Variants in GATA6 observed in about 807,000 individuals in gnomAD.
GATA6 encodes transcription factor GATA-6.
In GATA6, 11 loss-of-function variants were observed where a neutral mutation model predicts 48.1. The ratio of observed to expected loss-of-function variants is 0.23; its 90% CI spans 0.14 to 0.38. The LOEUF (loss-of-function observed/expected upper bound fraction) is 0.38. Among genes scored for constraint, GATA6 ranks in the 10% least tolerant of loss-of-function variants. GATA6 has a pLI of 1.00. For missense variants in GATA6, 795 were observed against 850.3 expected (o/e 0.93, Z 0.81); for synonymous variants, 419 against 396.1 (o/e 1.06, Z -0.69).
intron 6 of GATA6, among the ~76,000 whole-genome samples, chr18:22,190,764 T>C (rs1267518667): frequency 6.6e-6 from 1 of 152,174 alleles, no homozygotes; most frequent in Admixed American, 6.5e-5. Context: ...ATCATCACAG[T>C]TATTAATATC....
intron 6 of GATA6, among the ~76,000 whole-genome samples, chr18:22,197,310 C>G (rs1405116086): frequency 6.6e-6 from 1 of 152,134 alleles, no homozygotes; most frequent in South Asian, 2.1e-4. Context: ...CTCGGCCTCT[C>G]TAAAGTGCAG....
At chr18:22,197,965 A>C (rs2033411943) in intron 6 of GATA6, among the ~76,000 whole-genome samples, 1 of 151,630 alleles carries the variant, frequency 6.6e-6, no homozygotes, top group Non-Finnish European at 1.5e-5. Context: ...CTGGCTCCCC[A>C]CAAAGCCTGG....
intron 4 of GATA6, among the ~76,000 whole-genome samples, 179 bp from the exon 5 acceptor site, chr18:22,182,578 G>A (rs983751439): frequency 3.9e-5 from 6 of 152,138 alleles, no homozygotes; most frequent in African/African-American, 1.4e-4. Context: ...GGCTGGTTTC[G>A]AACTCCTGAC....
rs1230661938 is a variant in GATA6, at chr18:22,177,942, CTGTTTTTT to C, written c.1302+831_1302+838del. Among the ~76,000 whole-genome samples, 849 of 105,906 alleles carry C rather than the reference CTGTTTTTT, an allele frequency of 8.0e-3. 123 individuals are homozygous for C. Among genetic ancestry groups the C allele is most frequent in the African/African-American group, 0.04 (796 of 19,690 alleles). 69.5% of individuals were successfully genotyped at this position (105,906 alleles called of 152,430 possible). A position where few individuals can be genotyped will look rare whatever the true frequency, so the allele number is the denominator to read the frequency against. On this transcript the variant is annotated intron_variant, in intron 3 of 6. Coordinates refer to ENST00000269216, the MANE Select transcript of GATA6 (RefSeq NM_005257.6). ...TTTTCCCCAATTCGCACACGTTTTA[CTGTTTTTT>C]TGTTTTTTTTTTTTTTTTTTTTTTT...
intron 6 of GATA6, among the ~76,000 whole-genome samples, chr18:22,190,754 A>G (rs2033315968): frequency 1.3e-5 from 2 of 152,160 alleles, no homozygotes; most frequent in Admixed American, 6.5e-5. Flanking sequence ...GAGTTGACCA[A>G]TCATCACAGT....
Position 22,170,465 on chromosome 18 carries a change from C to G in GATA6, c.-37-643C>G, listed in dbSNP as rs2033018045. Among the ~76,000 whole-genome samples, 1 of 152,234 alleles carries G rather than the reference C, an allele frequency of 6.6e-6. No individual in the cohort carries two copies. Among genetic ancestry groups the G allele is most frequent in the Non-Finnish European group, 1.5e-5 (1 of 68,032 alleles). On this transcript the variant is annotated intron_variant, in intron 1 of 6. Transcript: ENST00000269216. The surrounding 1 kb of genome is among the most constrained non-coding windows in gnomAD (Gnocchi z 6.7). The stretch of plus-strand genomic sequence containing the variant: ...CAGACTGCTGCCCCCGCCCTGGCGT[C>G]CCACTTTCCCTGGGCCGAGTTGCAT...
intron 2 of GATA6, among the ~76,000 whole-genome samples, chr18:22,175,044 C>G (rs758704235): frequency 7.2e-5 from 11 of 151,918 alleles, no homozygotes; most frequent in Non-Finnish European, 1.5e-4. Context: ...CCAAGGGCAC[C>G]GCAAACAGCC....
chr18:22,172,652 C>G lies in GATA6; in HGVS notation c.1135+373C>G, dbSNP rs2033071692. On this transcript the variant is annotated intron_variant, in intron 2 of 6. Coordinates refer to ENST00000269216, the MANE Select transcript of GATA6 (RefSeq NM_005257.6). This position sits in a 1 kb window ranked among gnomAD's most constrained non-coding sequence, Gnocchi z 5.2. ...CGCTTGAGCCCCATCGCAGACCCTA[C>G]TTTGGGTGAGTGGAAGAAATTCCAC... is the stretch of plus-strand genomic sequence containing the variant. Among the ~76,000 whole-genome samples, 1 of 152,182 alleles carries G rather than the reference C, an allele frequency of 6.6e-6. No homozygotes were observed. Among genetic ancestry groups the G allele is most frequent in the Admixed American group, 6.5e-5 (1 of 15,284 alleles).
intron 6 of GATA6, among the ~76,000 whole-genome samples, chr18:22,186,554 C>G (rs1441068080): frequency 6.6e-6 from 1 of 152,128 alleles, no homozygotes; most frequent in African/African-American, 2.4e-5. Flanking sequence ...GTGATGGCAC[C>G]AGGACCTTAG....
At chr18:22,192,744 T>C (rs2033342858) in intron 6 of GATA6, among the ~76,000 whole-genome samples, 1 of 152,224 alleles carries the variant, frequency 6.6e-6, no homozygotes, top group Non-Finnish European at 1.5e-5. Flanking sequence ...TTCTGATTCA[T>C]TTAGAAGATA....
chr18:22,182,102 C>A, intron 4 of GATA6, among the ~76,000 whole-genome samples: 1 of 152,136 alleles, frequency 6.6e-6, no homozygotes, highest in East Asian at 1.9e-4. Flanking sequence ...ACAACTCAAT[C>A]TTAAAAAGAA....
At chr18:22,176,914 G>C (rs1207701167) in intron 2 of GATA6, 41 bp from the exon 3 acceptor site, 1 of 1,520,152 alleles carries the variant, frequency 6.6e-7, no homozygotes, top group Non-Finnish European at 8.8e-7. Context: ...GGACGGGTCC[G>C]GCGCGCCCAC....
rs979067151 is a variant in GATA6, at chr18:22,177,944, G to GTTTTTTTTTTTTTTTTTTTT, written c.1302+830_1302+831insTTTTTTTTTTTTTTTTTTTT. 3.1e-4 allele frequency among the ~76,000 whole-genome samples: 24 copies of GTTTTTTTTTTTTTTTTTTTT among 77,862 alleles called. 7 individuals carry two copies. Among genetic ancestry groups the GTTTTTTTTTTTTTTTTTTTT allele is most frequent in the African/African-American group, 1.4e-3 (23 of 15,882 alleles). The allele number at this position is 77,862 out of a possible 152,430, so 51.1% of individuals were successfully genotyped here. A position where few individuals can be genotyped will look rare whatever the true frequency, so the allele number is the denominator to read the frequency against. The stretch of plus-strand genomic sequence containing the variant: ...TTCCCCAATTCGCACACGTTTTACT[G>GTTTTTTTTTTTTTTTTTTTT]TTTTTTTGTTTTTTTTTTTTTTTTT... On this transcript the variant is annotated intron_variant, in intron 3 of 6. Transcript: ENST00000269216.
rs2033070515 is a variant in GATA6 at position 22,172,517 on chromosome 18, G to A, written c.1135+238G>A. On this transcript the variant is annotated intron_variant, in intron 2 of 6. Transcript: ENST00000269216. This position sits in a 1 kb window ranked among gnomAD's most constrained non-coding sequence, Gnocchi z 5.2. ...TTGTGCCAAGTTCCTTTCCACGGAT[G>A]AGACTAAATGCACATCTGTACCTTC... Among the ~76,000 whole-genome samples, 1 of 152,230 alleles carries A rather than the reference G, an allele frequency of 6.6e-6. No homozygotes were observed. The highest frequency in any genetic ancestry group is 1.5e-5 in the Non-Finnish European group (1 of 68,042).
At position 22,172,256 on chromosome 18, in the gene GATA6, C is replaced by G; in HGVS notation, c.1112C>G (p.Pro371Arg). 1.3e-6 allele frequency: 2 copies of G among 1,533,508 alleles called. No homozygotes were observed. Among genetic ancestry groups the G allele is most frequent in the Non-Finnish European group, 1.7e-6 (2 of 1,146,146 alleles). The allele number at this position is 1,533,508 out of a possible 1,614,324, so 95.0% of individuals were successfully genotyped here. A position where few individuals can be genotyped will look rare whatever the true frequency, so the allele number is the denominator to read the frequency against. ...CAGAGCCGCGCCGGAGCCCCGCTCCCGGTGCCCCGGGGTCCCAGTGCAGGT... is the reference window on the plus strand; with the variant it reads ...CAGAGCCGCGCCGGAGCCCCGCTCCGGGTGCCCCGGGGTCCCAGTGCAGGT... ...SLQSRAGAPL[P>R]VPRGPSADLL... The change falls in exon 2 of 7, where the codon CCG becomes CGG. Residue 371 changes from proline to arginine, a missense_variant. Coordinates refer to ENST00000269216, the MANE Select transcript of GATA6 (RefSeq NM_005257.6). The surrounding 1 kb of genome is among the most constrained non-coding windows in gnomAD (Gnocchi z 5.2).
chr18:22,198,910 G>A (rs543206197), intron 6 of GATA6, among the ~76,000 whole-genome samples: 2 of 152,300 alleles, frequency 1.3e-5, no homozygotes, highest in Non-Finnish European at 2.9e-5. Flanking sequence ...CTCAGTTTAA[G>A]TCTTTACATT....
intron 1 of GATA6, among the ~76,000 whole-genome samples, chr18:22,169,926 T>C (rs1198023456): frequency 6.6e-6 from 1 of 152,248 alleles, no homozygotes; most frequent in African/African-American, 2.4e-5. Flanking sequence ...CTCCGAGTTA[T>C]CTCGGCGCAA....
chr18:22,171,100 C>A lies in GATA6; in HGVS notation c.-37-8C>A. ...CCTACCATACCCGTCTCCCCCACCC[C>A]ACCTCAGGAGCTAGACGTCAGCTTG... is the stretch of plus-strand genomic sequence containing the variant. On this transcript the variant is annotated splice_region_variant and splice_polypyrimidine_tract_variant and intron_variant, in intron 1 of 6. Transcript: ENST00000269216. The surrounding 1 kb of genome is among the most constrained non-coding windows in gnomAD (Gnocchi z 7.1). The A allele has an allele frequency of 6.4e-7, 1 of 1,559,262 alleles. No homozygotes were observed. The highest frequency in any genetic ancestry group is 8.7e-7 in the Non-Finnish European group (1 of 1,145,502).
Position 22,200,761 on chromosome 18 carries a change from T to TCGCCGGCCGAAGTCA in GATA6, c.1729_1743dup (p.Pro577_Thr581dup), listed in dbSNP as rs1568011745. The TCGCCGGCCGAAGTCA allele has an allele frequency of 6.2e-7, 1 of 1,613,894 alleles. No individual in the cohort carries two copies. Among genetic ancestry groups the TCGCCGGCCGAAGTCA allele is most frequent in the Non-Finnish European group, 8.5e-7 (1 of 1,180,014 alleles). On this transcript the variant is annotated inframe_insertion, in exon 7 of 7. Transcript: ENST00000269216. Reference sequence around the variant, plus strand: ...GCTCTACATAGGCGTCAGTCTCGCCTCGCCGGCCGAAGTCACGTCCTCCGT... The same window carrying TCGCCGGCCGAAGTCA: ...GCTCTACATAGGCGTCAGTCTCGCCTCGCCGGCCGAAGTCACGCCGGCCGAAGTCACGTCCTCCGT...
Sources: allele counts gnomAD v4.1 joint callset (sites outside exome capture counted in the v4.1 genomes callset), GRCh38; gene constraint gnomAD v4.1.1; non-coding constraint Gnocchi (gnomAD v3.1); transcripts MANE v1.5; gene names NCBI Gene and HGNC (gene_info 2026-07-23, HGNC 2026-07-21).